The following TRIM44 variants were observed in gnomAD, a reference collection of about 807,000 sequenced individuals.
TRIM44 encodes tripartite motif-containing protein 44.
A neutral mutation model predicts 37.4 loss-of-function variants in TRIM44; 13 were observed. The ratio of observed to expected loss-of-function variants is 0.35; its 90% CI spans 0.23 to 0.55. The LOEUF (loss-of-function observed/expected upper bound fraction) is 0.55, where lower values mean the gene tolerates loss of function less well. Among genes scored for constraint, TRIM44 ranks in the 20% least tolerant of loss-of-function variants. The pLI is 0.89. For synonymous variants in TRIM44, 175 were observed against 157.2 expected (o/e 1.11, Z -0.85); for missense variants, 426 against 437.2 (o/e 0.97, Z 0.23).
At chr11:35,800,282 G>A (rs1450703817) in intron 4 of TRIM44, among the ~76,000 whole-genome samples, 1 of 152,198 alleles carries the variant, frequency 6.6e-6, no homozygotes, top group Non-Finnish European at 1.5e-5. Context: ...TGAGCGAGCA[G>A]CAAGATTTAT....
intron 4 of TRIM44, among the ~76,000 whole-genome samples, chr11:35,770,262 T>C (rs926815030): frequency 1.3e-5 from 2 of 152,242 alleles, no homozygotes; most frequent in Non-Finnish European, 1.5e-5. Flanking sequence ...TACATAGTAT[T>C]CCATGGTGTC....
At chr11:35,703,783 A>G (rs1394234851) in intron 2 of TRIM44, among the ~76,000 whole-genome samples, 1 of 152,090 alleles carries the variant, frequency 6.6e-6, no homozygotes. Context: ...ATCAAAGACC[A>G]AAAGTAGATA....
At chr11:35,802,390 G>A (rs902208338) in intron 4 of TRIM44, among the ~76,000 whole-genome samples, 1 of 152,166 alleles carries the variant, frequency 6.6e-6, no homozygotes, top group Non-Finnish European at 1.5e-5. Flanking sequence ...AGATTCAGAA[G>A]GGTGAGTGAG....
rs1313288766 is a variant in TRIM44, at chr11:35,811,670, G to C, written c.*5285G>C. 1.3e-5 allele frequency: 2 copies of C among 152,190 alleles called. No individual in the cohort carries two copies. Among genetic ancestry groups the C allele is most frequent in the African/African-American group, 4.8e-5 (2 of 41,458 alleles). 9.4% of individuals were successfully genotyped at this position (152,190 alleles called of 1,614,324 possible). On this transcript the variant is annotated 3_prime_UTR_variant, in exon 5 of 5. Coordinates refer to ENST00000299413, the MANE Select transcript of TRIM44 (RefSeq NM_017583.6). ...AAGATGGTAGATACTGTGTGAATTA[G>C]AAAATACCAAGCCCTGCCTAAATGC...
chr11:35,711,441 T>TTAATC (rs1851971301), intron 2 of TRIM44, among the ~76,000 whole-genome samples: 2 of 151,196 alleles, frequency 1.3e-5, no homozygotes, highest in South Asian at 4.2e-4. Flanking sequence ...AAATCTGTGC[T>TTAATC]TAATCTCTTC....
intron 4 of TRIM44, among the ~76,000 whole-genome samples, chr11:35,803,830 A>G (rs1221802547): frequency 6.6e-6 from 1 of 152,200 alleles, no homozygotes; most frequent in Admixed American, 6.5e-5. Flanking sequence ...GATGCCTCAC[A>G]CTAATTATAT....
intron 2 of TRIM44, among the ~76,000 whole-genome samples, chr11:35,710,232 T>C (rs1054198420): frequency 2.0e-5 from 3 of 152,206 alleles, no homozygotes; most frequent in African/African-American, 7.2e-5. Flanking sequence ...AGGCCATATT[T>C]AGTTTGCTTT....
intron 2 of TRIM44, among the ~76,000 whole-genome samples, chr11:35,724,647 C>G (rs939420456): frequency 4.6e-5 from 7 of 152,214 alleles, no homozygotes; most frequent in Non-Finnish European, 8.8e-5. Flanking sequence ...GATAATTTCT[C>G]ACTTTGTTAG....
intron 4 of TRIM44, among the ~76,000 whole-genome samples, chr11:35,755,533 C>A (rs1038815977): frequency 1.3e-5 from 2 of 152,064 alleles, no homozygotes; most frequent in African/African-American, 4.8e-5. Context: ...TCAATTTTGG[C>A]TTTTGTTGCC....
chr11:35,699,706 G>A (rs1186050003), intron 2 of TRIM44, among the ~76,000 whole-genome samples: 72 of 150,932 alleles, frequency 4.8e-4, no homozygotes, highest in African/African-American at 1.6e-3. Flanking sequence ...AGAAAATGCC[G>A]TCGTCTCAGC....
intron 2 of TRIM44, among the ~76,000 whole-genome samples, chr11:35,710,101 T>C (rs1321329637): frequency 6.6e-6 from 1 of 152,238 alleles, no homozygotes; most frequent in Non-Finnish European, 1.5e-5. Context: ...CTGCTGGGAT[T>C]GGCGAAGACT....
chr11:35,677,253 C>T (rs1564943939), intron 1 of TRIM44, among the ~76,000 whole-genome samples: 1 of 152,024 alleles, frequency 6.6e-6, no homozygotes. Context: ...TTGATTACTC[C>T]CTCTCATATT....
rs796271856 is a variant in TRIM44 at position 35,694,143 on chromosome 11, A to G, written c.747+8807A>G. Among the ~76,000 whole-genome samples, 10 of 152,262 alleles carry G rather than the reference A, an allele frequency of 6.6e-5. 1 individual carries two copies. The highest frequency in any genetic ancestry group is 2.4e-4 in the African/African-American group (10 of 41,552). ...TACACAGATACTTTTCTTTTAGCCA[A>G]TTCTATTATTTAGCTTAACTTTCAC... On this transcript the variant is annotated intron_variant, in intron 2 of 4. Transcript: ENST00000299413.
chr11:35,712,609 C>G (rs1851988910), intron 2 of TRIM44, among the ~76,000 whole-genome samples: 2 of 152,298 alleles, frequency 1.3e-5, no homozygotes, highest in South Asian at 4.1e-4. Flanking sequence ...CTTTAAATGG[C>G]TTAATAAAAT....
At chr11:35,704,517 T>C (rs1449376404) in intron 2 of TRIM44, among the ~76,000 whole-genome samples, 2 of 152,120 alleles carry the variant, frequency 1.3e-5, no homozygotes, top group Non-Finnish European at 2.9e-5. Flanking sequence ...GAGAGAAAGG[T>C]CGGGTTACCC....
At chr11:35,676,202 G>C (rs1851458897) in intron 1 of TRIM44, among the ~76,000 whole-genome samples, 1 of 152,170 alleles carries the variant, frequency 6.6e-6, no homozygotes, top group African/African-American at 2.4e-5. Context: ...CAAGATCATA[G>C]ATGTAAAGAG....
In TRIM44 at chr11:35,744,275, T is replaced by C. The variant is rs180838250; in HGVS notation, c.1007+8830T>C. ...ATTAGTATGAGTATGTGCTACACAA[T>C]ATTTGGAAGATACTCATGCTAAAAA... On this transcript the variant is annotated intron_variant, in intron 4 of 4. Coordinates refer to ENST00000299413, the MANE Select transcript of TRIM44 (RefSeq NM_017583.6). 1.8e-3 allele frequency among the ~76,000 whole-genome samples: 280 copies of C among 152,342 alleles called. 2 individuals are homozygous for C. Among genetic ancestry groups the C allele is most frequent in the African/African-American group, 6.5e-3 (269 of 41,584 alleles).
intron 2 of TRIM44, among the ~76,000 whole-genome samples, chr11:35,708,767 G>T (rs1470007806): frequency 6.6e-6 from 1 of 151,966 alleles, no homozygotes; most frequent in African/African-American, 2.4e-5. Flanking sequence ...GTTGTGGGGT[G>T]TGGGGAGGAG....
chr11:35,712,730 C>T (rs1311240122), intron 2 of TRIM44, among the ~76,000 whole-genome samples: 1 of 152,150 alleles, frequency 6.6e-6, no homozygotes, highest in African/African-American at 2.4e-5. Flanking sequence ...CACAGCGAAC[C>T]TGGAGAGAGG....
Sources: gnomAD v4.1 joint callset for allele counts (sites outside exome capture counted in the v4.1 genomes callset) on GRCh38, gnomAD v4.1.1 for gene constraint, MANE v1.5 for transcripts, NCBI Gene and HGNC (gene_info 2026-07-23, HGNC 2026-07-21) for gene names.